Variants in ARAP2 observed in about 807,000 individuals in gnomAD.
ARAP2 encodes the protein arf-GAP with Rho-GAP domain, ANK repeat and PH domain-containing protein 2.
Under a neutral mutation model 194.5 loss-of-function variants are expected in ARAP2, and 148 were observed. The observed-to-expected ratio is 0.76, with a 90% CI of 0.67 to 0.87. The LOEUF (loss-of-function observed/expected upper bound fraction) is 0.87. Among genes scored for constraint, ARAP2 ranks in the 40% least tolerant of loss-of-function variants. The pLI, the probability that ARAP2 is intolerant of heterozygous loss-of-function variation, is 0.00. For missense variants in ARAP2, 2,128 were observed against 1,989.7 expected (o/e 1.07, Z -1.32); for synonymous variants, 695 against 683.5 (o/e 1.02, Z -0.26).
chr4:36,008,043 A>G (rs906973174), intron 9 of ARAP2, among the ~76,000 whole-genome samples: 2 of 152,170 alleles, frequency 1.3e-5, no homozygotes, highest in Admixed American at 6.6e-5. Flanking sequence ...GTAATAAAAG[A>G]CAACACAAAT....
chr4:36,097,745 T>C lies in ARAP2; in HGVS notation c.4286-5725A>G, dbSNP rs1044558289. Among the ~76,000 whole-genome samples, 4 of 152,230 alleles carry C rather than the reference T, an allele frequency of 2.6e-5. No individual in the cohort carries two copies. In the South Asian group the frequency reaches 8.3e-4, roughly 32 times the overall value. ...AACAGGTACTATTTCATTTACTACC[T>C]TTTGATCTTTCATTCCAATCAAATT... On this transcript the variant is annotated intron_variant, in intron 27 of 32. Transcript: ENST00000303965.
chr4:36,030,574 C>G (rs913889237), intron 5 of ARAP2, among the ~76,000 whole-genome samples: 1 of 152,014 alleles, frequency 6.6e-6, no homozygotes, highest in African/African-American at 2.4e-5. Flanking sequence ...CATTAAAAAT[C>G]GTCATTCTCT....
At chr4:36,009,884 G>GGA (rs1553859394) in intron 9 of ARAP2, among the ~76,000 whole-genome samples, 1 of 143,060 alleles carries the variant, frequency 7.0e-6, no homozygotes, top group Non-Finnish European at 1.5e-5. Context: ...TTTTTTTGGC[G>GGA]GGGGGTAGGG....
At chr4:36,083,263 C>T (rs1730028841) in intron 29 of ARAP2, 105 bp downstream of exon 29, 3 of 844,742 alleles carry the variant, frequency 3.6e-6, no homozygotes, top group Admixed American at 2.9e-5. Context: ...TAGCCTAAAA[C>T]TTACTTTATA....
chr4:36,046,224 C>T (rs1457420045), intron 4 of ARAP2: 2 of 154,442 alleles, frequency 1.3e-5, no homozygotes, highest in Admixed American at 6.5e-5. Context: ...TGCTCTGTCA[C>T]CCAGGCTGGA....
intron 9 of ARAP2, among the ~76,000 whole-genome samples, chr4:36,171,764 C>A (rs941243046): frequency 6.6e-6 from 1 of 151,248 alleles, no homozygotes; most frequent in Non-Finnish European, 1.5e-5. Flanking sequence ...TATTTTATAC[C>A]TTTTGAATTT....
chr4:36,174,722 T>C (rs1737431602), intron 9 of ARAP2, among the ~76,000 whole-genome samples: 1 of 152,184 alleles, frequency 6.6e-6, no homozygotes, highest in Non-Finnish European at 1.5e-5. Context: ...GCCTTAGAGA[T>C]AGTAATCCAT....
chr4:36,114,242 C>T lies in ARAP2; in HGVS notation c.4084G>A (p.Ala1362Thr). 1.3e-6 allele frequency: 2 copies of T among 1,599,724 alleles called. No homozygotes were observed. Among genetic ancestry groups the T allele is most frequent in the Non-Finnish European group, 1.7e-6 (2 of 1,168,942 alleles). ...TTTGTAGGAATAATATTTTTTATCG[C>T]TAATATATCATTAGTTAATTCTTCT... ...EAEELTNDIL[A>T]IKNIIPTKGD... is the part of the protein sequence containing the mutation. Residue 1362 changes from alanine to threonine, a missense_variant, in exon 26 of 33, where the codon GCG (alanine) becomes ACG (threonine). Transcript: ENST00000303965.
At chr4:36,121,677 A>T (rs1289529543) in intron 22 of ARAP2, among the ~76,000 whole-genome samples, 1 of 151,668 alleles carries the variant, frequency 6.6e-6, no homozygotes, top group African/African-American at 2.4e-5. Context: ...GTGGGGCTGC[A>T]GCATAGGAGG....
chr4:36,230,235 T>C (rs369041363), intron 1 of ARAP2, among the ~76,000 whole-genome samples: 1 of 152,258 alleles, frequency 6.6e-6, no homozygotes, highest in Admixed American at 6.5e-5. Context: ...AAGGTGGTCC[T>C]GTTAAACAAT....
intron 27 of ARAP2, among the ~76,000 whole-genome samples, chr4:36,094,834 A>G (rs1275367303): frequency 1.3e-5 from 2 of 152,160 alleles, no homozygotes; most frequent in African/African-American, 2.4e-5. Context: ...ATAATTTTAT[A>G]GATGTAGAAA....
intron 9 of ARAP2, among the ~76,000 whole-genome samples, chr4:36,168,947 G>T (rs1444591673): frequency 6.6e-6 from 1 of 152,100 alleles, no homozygotes; most frequent in Admixed American, 6.5e-5. Context: ...TTGGCACAGG[G>T]TTATACTTGA....
intron 7 of ARAP2, among the ~76,000 whole-genome samples, chr4:36,193,035 C>T (rs1327158940): frequency 4.6e-5 from 7 of 152,124 alleles, no homozygotes; most frequent in Admixed American, 4.6e-4. Flanking sequence ...CAAAAATATT[C>T]ATCCAACCAT....
chr4:36,237,859 C>G (rs779102194), intron 1 of ARAP2, among the ~76,000 whole-genome samples: 5 of 152,140 alleles, frequency 3.3e-5, no homozygotes, highest in Non-Finnish European at 7.4e-5. Context: ...GATATTCACT[C>G]CAAGTATAGA....
chr4:36,113,486 C>T (rs867205366), intron 26 of ARAP2, among the ~76,000 whole-genome samples: 7 of 151,970 alleles, frequency 4.6e-5, no homozygotes, highest in Admixed American at 1.3e-4. Flanking sequence ...CCTAAGCTTG[C>T]GGGTGGCAAG....
intron 9 of ARAP2, among the ~76,000 whole-genome samples, chr4:36,171,846 A>G (rs1238399989): frequency 6.6e-6 from 1 of 152,208 alleles, no homozygotes; most frequent in Non-Finnish European, 1.5e-5. Flanking sequence ...AATAACTAGC[A>G]GGCATAATTT....
intron 1 of ARAP2, among the ~76,000 whole-genome samples, chr4:36,243,176 G>C (rs539583275): frequency 4.6e-5 from 7 of 151,724 alleles, no homozygotes; most frequent in Non-Finnish European, 8.8e-5. Flanking sequence ...TTACTTACGG[G>C]CAAAGTTCCA....
chr4:36,067,704 T>C lies in ARAP2; in HGVS notation c.*203A>G. On this transcript the variant is annotated 3_prime_UTR_variant, in exon 33 of 33. Coordinates refer to ENST00000303965, the MANE Select transcript of ARAP2 (RefSeq NM_015230.4). The stretch of plus-strand genomic sequence containing the variant: ...TAATACAATGGAACTTTACAAGGTT[T>C]GTTCAGACCAAAATAAAGTTAATCT... 1.9e-6 allele frequency: 1 copy of C among 522,550 alleles called. No homozygotes were observed. The highest frequency in any genetic ancestry group is 3.2e-6 in the Non-Finnish European group (1 of 307,800). 32.4% of individuals were successfully genotyped at this position (522,550 alleles called of 1,614,324 possible). A position where few individuals can be genotyped will look rare whatever the true frequency, so the allele number is the denominator to read the frequency against.
At chr4:36,182,675 T>C (rs1278663911) in intron 8 of ARAP2, among the ~76,000 whole-genome samples, 2 of 152,124 alleles carry the variant, frequency 1.3e-5, no homozygotes, top group African/African-American at 2.4e-5. Context: ...AGTGGAGTTG[T>C]TGAGAATTGG....
Sources: gnomAD v4.1 joint callset for allele counts (sites outside exome capture counted in the v4.1 genomes callset) on GRCh38, gnomAD v4.1.1 for gene constraint, MANE v1.5 for transcripts, NCBI Gene and HGNC (gene_info 2026-07-23, HGNC 2026-07-21) for gene names.